Variants in MIA3 observed in about 807,000 individuals in gnomAD.
MIA3 encodes MIA SH3 domain ER export factor 3, also known as transport and Golgi organization protein 1 homolog.
MIA3 carries 90 observed loss-of-function variants against 192.4 expected under a neutral mutation model. That is an observed-to-expected ratio of 0.47 (90% CI 0.39 to 0.56). The LOEUF (loss-of-function observed/expected upper bound fraction) is 0.56. Among genes scored for constraint, MIA3 ranks in the 20% least tolerant of loss-of-function variants. The probability of loss-of-function intolerance (pLI) is 0.00; values close to 1 mark genes in which losing one functional copy is unlikely to be tolerated. For synonymous variants in MIA3, 740 were observed against 792.8 expected (o/e 0.93, Z 1.12); for missense variants, 2,123 against 2,269.4 (o/e 0.94, Z 1.31).
rs539944460 is a variant in MIA3, at chr1:222,640,893, TA to T, written c.3478-4654del. On this transcript the variant is annotated intron_variant, in intron 6 of 27. Transcript: ENST00000344922. ...ACATAAAGAACTCTCAAAATTCATC[TA>T]AAAAAATGTAATGCAGTAAAATTAC... 2.1e-3 allele frequency among the ~76,000 whole-genome samples: 323 copies of T among 152,300 alleles called. 3 individuals are homozygous for T. The highest frequency in any genetic ancestry group is 1.4e-3 in the Admixed American group (22 of 15,300).
intron 3 of MIA3, 96 bp from the exon 4 acceptor site, chr1:222,627,479 C>T (rs761048291): frequency 3.4e-5 from 38 of 1,105,670 alleles, no homozygotes; most frequent in South Asian, 6.3e-5. Flanking sequence ...TAGAGCCAAA[C>T]GTGAATTCGA....
Position 222,629,315 on chromosome 1 carries a change from G to A in MIA3, c.2095G>A (p.Gly699Ser). The A allele has an allele frequency of 3.1e-6, 5 of 1,614,170 alleles. No individual in the cohort carries two copies. The highest frequency in any genetic ancestry group is 4.2e-6 in the Non-Finnish European group (5 of 1,180,038). ...EEFFHHKAMQ[G>S]TEVGQTDQTD... ...GTTTTTTCATCACAAGGCAATGCAG[G>A]GCACAGAGGTAGGACAGACAGACCA... The change falls in exon 4 of 28, where the codon GGC (glycine) becomes AGC (serine). Residue 699 changes from glycine (G) to serine (S), a missense_variant. Coordinates refer to ENST00000344922, the MANE Select transcript of MIA3 (RefSeq NM_198551.4).
In MIA3 at chr1:222,653,065, A is replaced by G. The variant is rs763754549; in HGVS notation, c.4144A>G (p.Lys1382Glu). Reference protein sequence around the residue: ...KLHAELSEQIKSFEKSQKDLE... With the variant: ...KLHAELSEQIESFEKSQKDLE... ...ACATGCTGAGCTCAGTGAGCAAATC[A>G]AATCATTTGAGAAGTCTCAGAAAGA... The change falls in exon 14 of 28, where the codon AAA becomes GAA. Residue 1382 changes from lysine to glutamate, a missense_variant. Coordinates refer to ENST00000344922, the MANE Select transcript of MIA3 (RefSeq NM_198551.4). 27 of 1,613,108 alleles carry G rather than the reference A, an allele frequency of 1.7e-5. No homozygotes were observed. Among genetic ancestry groups the G allele is most frequent in the African/African-American group, 1.3e-5 (1 of 74,940 alleles).
chr1:222,655,722 A>C (rs959184194), intron 18 of MIA3, among the ~76,000 whole-genome samples: 2 of 152,184 alleles, frequency 1.3e-5, no homozygotes, highest in African/African-American at 4.8e-5. Flanking sequence ...TACTTTTTAA[A>C]AAAGAGCACT....
chr1:222,632,027 A>G (rs1662418782), intron 4 of MIA3, 138 bp from the exon 5 acceptor site: 2 of 618,856 alleles, frequency 3.2e-6, no homozygotes, highest in Non-Finnish European at 5.6e-6. Flanking sequence ...TGAAACTCTT[A>G]TTTCCCTGCC....
intron 19 of MIA3, 108 bp from the exon 20 acceptor site, chr1:222,659,345 G>A (rs1167813548): frequency 1.0e-5 from 9 of 895,306 alleles, no homozygotes; most frequent in Admixed American, 2.5e-5. Context: ...TATATTTCTG[G>A]ATAAGCTCTA....
intron 26 of MIA3, chr1:222,662,540 A>G: frequency 7.4e-7 from 1 of 1,353,892 alleles, no homozygotes; most frequent in Non-Finnish European, 9.6e-7. Flanking sequence ...GTAAGTACTT[A>G]GAAGTGTGGA....
chr1:222,634,522 G>A (rs1662546565), intron 6 of MIA3, among the ~76,000 whole-genome samples: 1 of 152,128 alleles, frequency 6.6e-6, no homozygotes, highest in Non-Finnish European at 1.5e-5. Context: ...TATTTATTCA[G>A]ATCTTTCTAA....
chr1:222,659,632 A>G lies in MIA3; in HGVS notation c.4781A>G (p.His1594Arg), dbSNP rs760897532. ...TATTATCTTTTTCAGATCGCTACCC[A>G]TGAGAAGAAAGCTCATGAAAACTGG... The part of the protein sequence containing the change: ...ERSFKNQIAT[H>R]EKKAHENWLK... Residue 1594 changes from histidine to arginine, a missense_variant, in exon 21 of 28, where the codon CAT becomes CGT. This residue lies in a region of MIA3 where 762 missense variants were observed against 856.4 expected (regional missense o/e 0.89). Coordinates refer to ENST00000344922, the MANE Select transcript of MIA3 (RefSeq NM_198551.4). 6.2e-7 allele frequency: 1 copy of G among 1,614,050 alleles called. No homozygotes were observed. Among genetic ancestry groups the G allele is most frequent in the South Asian group, 1.1e-5 (1 of 91,072 alleles).
chr1:222,632,432 A>C, intron 5 of MIA3, 106 bp downstream of exon 5: 1 of 987,670 alleles, frequency 1.0e-6, no homozygotes, highest in Non-Finnish European at 1.5e-6. Context: ...AATTCAAAGG[A>C]AAAAAGGATC....
In MIA3 at chr1:222,647,150, G is replaced by A. The variant is rs144754184; in HGVS notation, c.3609+1465G>A. On this transcript the variant is annotated intron_variant, in intron 7 of 27. Coordinates refer to ENST00000344922, the MANE Select transcript of MIA3 (RefSeq NM_198551.4). Reference sequence around the variant, plus strand: ...TACTCAGAAAATATCTTTTTATTTCGAAATGCAAATTATATCATGTGTAAA... The same window carrying A: ...TACTCAGAAAATATCTTTTTATTTCAAAATGCAAATTATATCATGTGTAAA... Among the ~76,000 whole-genome samples, 227 of 151,978 alleles carry A rather than the reference G, an allele frequency of 1.5e-3. 6 individuals carry two copies. In the South Asian group the frequency reaches 0.021, roughly 14 times the overall value.
At chr1:222,623,880 A>G (rs1571859810) in intron 2 of MIA3, among the ~76,000 whole-genome samples, 1 of 152,226 alleles carries the variant, frequency 6.6e-6, no homozygotes, top group South Asian at 2.1e-4. Flanking sequence ...TTTGCATGAA[A>G]TGAAAGCTTG....
Position 222,621,289 on chromosome 1 carries a change from A to G in MIA3, c.264A>G (p.Gly88=), listed in dbSNP as rs201408733. The part of the protein sequence containing the change: ...LARGWPEVWA[G]SVGRTFGYFP... ...GAGGATGGCCTGAAGTTTGGGCTGGAAGTGTAAGTAAAATATCGACATACT... is the reference window on the plus strand; with the variant it reads ...GAGGATGGCCTGAAGTTTGGGCTGGGAGTGTAAGTAAAATATCGACATACT... The change falls in exon 2 of 28, where the codon GGA becomes GGG. Residue 88 remains glycine (G), a synonymous_variant. Transcript: ENST00000344922. 8 of 1,605,322 alleles carry G rather than the reference A, an allele frequency of 5.0e-6. No homozygotes were observed. Among genetic ancestry groups the G allele is most frequent in the Non-Finnish European group, 6.8e-6 (8 of 1,177,742 alleles).
Position 222,658,775 on chromosome 1 carries a change from C to G in MIA3, c.4661C>G (p.Ala1554Gly), listed in dbSNP as rs757575837. 14 of 1,613,316 alleles carry G rather than the reference C, an allele frequency of 8.7e-6. No individual in the cohort carries two copies. Among genetic ancestry groups the G allele is most frequent in the Non-Finnish European group, 1.2e-5 (14 of 1,179,598 alleles). The change falls in exon 19 of 28, where the codon GCT becomes GGT. Residue 1554 changes from alanine to glycine, a missense_variant. Physicochemically the swap from Ala to Gly is moderately conservative, Grantham distance 60. Around this residue, in one of 3 missense-constraint regions of MIA3, gnomAD observed 762 missense variants for 856.4 expected, o/e 0.89. Transcript: ENST00000344922. ...ERQEREHRLS[A>G]ADEKAVSAAE... Reference sequence around the variant, plus strand: ...CAAGAAAGAGAGCACAGGCTGTCAGCTGCAGATGAAAAGGCAGTTTCGGCT... The same window carrying G: ...CAAGAAAGAGAGCACAGGCTGTCAGGTGCAGATGAAAAGGCAGTTTCGGCT...
intron 27 of MIA3, 62 bp downstream of exon 27, chr1:222,664,210 C>G: frequency 6.4e-7 from 1 of 1,560,076 alleles, no homozygotes; most frequent in East Asian, 2.2e-5. Flanking sequence ...CCATCTATCC[C>G]TTGCTAAAAC....
rs1430161818 is a variant in MIA3, at chr1:222,650,276, T to C, written c.3632-16T>C. 6.8e-7 allele frequency: 1 copy of C among 1,465,702 alleles called. No homozygotes were observed. Among genetic ancestry groups the C allele is most frequent in the Non-Finnish European group, 9.5e-7 (1 of 1,050,040 alleles). 90.8% of individuals were successfully genotyped at this position (1,465,702 alleles called of 1,614,324 possible). A position where few individuals can be genotyped will look rare whatever the true frequency, so the allele number is the denominator to read the frequency against. On this transcript the variant is annotated splice_polypyrimidine_tract_variant and intron_variant, in intron 8 of 27. Transcript: ENST00000344922. Reference sequence around the variant, plus strand: ...TTAGTGATCATAATAACCTTATTATTTTTTTCTTTTTTCAGTCACGGAACA... The same window carrying C: ...TTAGTGATCATAATAACCTTATTATCTTTTTCTTTTTTCAGTCACGGAACA...
intron 18 of MIA3, among the ~76,000 whole-genome samples, chr1:222,655,448 GGCAGTTGCTATTTGTGTTTGCTCTTAT>G (rs1663669031): frequency 6.6e-6 from 1 of 152,186 alleles, no homozygotes; most frequent in Non-Finnish European, 1.5e-5. Context: ...GGTTATCTGT[GGCAGTTGCTATTTGTGTTTGCTCTTAT>G]GTTTTACTCT....
chr1:222,666,641 G>A lies in MIA3; in HGVS notation c.*1022G>A, dbSNP rs1361873619. The A allele has an allele frequency of 8.3e-6, 1 of 120,802 alleles. No homozygotes were observed. The highest frequency in any genetic ancestry group is 1.6e-5 in the Non-Finnish European group (1 of 62,952). 7.5% of individuals were successfully genotyped at this position (120,802 alleles called of 1,614,324 possible). On this transcript the variant is annotated 3_prime_UTR_variant, in exon 28 of 28. Coordinates refer to ENST00000344922, the MANE Select transcript of MIA3 (RefSeq NM_198551.4). ...GAAAGAATGATTTAGGACTGTGAGG[G>A]TTATAACATGCCCTAGGTCAGCAAC... is the stretch of plus-strand genomic sequence containing the variant.
At chr1:222,640,350 A>G (rs1662797829) in intron 6 of MIA3, among the ~76,000 whole-genome samples, 1 of 152,114 alleles carries the variant, frequency 6.6e-6, no homozygotes, top group South Asian at 2.1e-4. Flanking sequence ...TGGAAAATGC[A>G]GAGGACCTAG....
Sources: allele counts gnomAD v4.1 joint callset (sites outside exome capture counted in the v4.1 genomes callset), GRCh38; gene constraint gnomAD v4.1.1; regional missense constraint gnomAD v4.1.1; transcripts MANE v1.5; gene names NCBI Gene and HGNC (gene_info 2026-07-23, HGNC 2026-07-21).